The following LRRIQ3 variants were observed in gnomAD, a reference collection of about 807,000 sequenced individuals.
The protein encoded by LRRIQ3 is leucine rich repeats and IQ motif containing 3.
In LRRIQ3, 75 loss-of-function variants were observed where a neutral mutation model predicts 59.3. The ratio of observed to expected loss-of-function variants is 1.26; its 90% CI spans 1.05 to 1.53. LRRIQ3 has a LOEUF of 1.53. Among genes scored for constraint, LRRIQ3 ranks in the 40% most tolerant of loss-of-function variants. The probability of loss-of-function intolerance (pLI) is 0.00; values close to 1 mark genes in which losing one functional copy is unlikely to be tolerated. For synonymous variants in LRRIQ3, 250 were observed against 231.3 expected (o/e 1.08, Z -0.73); for missense variants, 831 against 710.0 (o/e 1.17, Z -1.94).
intron 3 of LRRIQ3, among the ~76,000 whole-genome samples, chr1:74,177,437 A>C (rs1009281603): frequency 9.2e-5 from 14 of 152,234 alleles, no homozygotes; most frequent in East Asian, 1.9e-4. Context: ...CTTTATATAT[A>C]TATCTATCTA....
At chr1:74,073,269 T>G (rs927058820) in intron 6 of LRRIQ3, among the ~76,000 whole-genome samples, 2 of 152,048 alleles carry the variant, frequency 1.3e-5, no homozygotes, top group Admixed American at 1.3e-4. Context: ...TCCCAGCACT[T>G]TGGGAGGCCG....
chr1:74,077,878 GA>G (rs1646227844), intron 5 of LRRIQ3, among the ~76,000 whole-genome samples: 1 of 151,906 alleles, frequency 6.6e-6, no homozygotes, highest in Non-Finnish European at 1.5e-5. Context: ...CATAGAGAAG[GA>G]AAAGTTATCA....
At chr1:74,190,554 G>A (rs1017684334) in intron 1 of LRRIQ3, among the ~76,000 whole-genome samples, 1 of 151,472 alleles carries the variant, frequency 6.6e-6, no homozygotes, top group Non-Finnish European at 1.5e-5. Context: ...TAATAAAAAT[G>A]CCAAAAAAGG....
chr1:74,175,180 G>A (rs1051874504), intron 3 of LRRIQ3, among the ~76,000 whole-genome samples: 25 of 152,114 alleles, frequency 1.6e-4, no homozygotes, highest in African/African-American at 5.5e-4. Context: ...TGGGGTCCAA[G>A]GTCAGGTGAG....
At chr1:74,181,788 C>A (rs576925456) in intron 3 of LRRIQ3, 88 of 151,822 alleles carry the variant, frequency 5.8e-4, no homozygotes, top group African/African-American at 2.0e-3. Flanking sequence ...AGTTTTTCCA[C>A]GCATAATCAC....
At chr1:74,139,234 AT>A (rs1334771244) in intron 4 of LRRIQ3, among the ~76,000 whole-genome samples, 1 of 149,210 alleles carries the variant, frequency 6.7e-6, no homozygotes, top group Non-Finnish European at 1.5e-5. Flanking sequence ...AATAAAATGT[AT>A]AATTTGACTT....
intron 4 of LRRIQ3, among the ~76,000 whole-genome samples, chr1:74,119,649 T>C (rs1313275213): frequency 6.6e-6 from 1 of 152,120 alleles, no homozygotes; most frequent in African/African-American, 2.4e-5. Flanking sequence ...TTTAGAAAGA[T>C]AAACAATTTT....
At chr1:74,030,098 C>A (rs1221333501) in intron 7 of LRRIQ3, among the ~76,000 whole-genome samples, 2 of 152,016 alleles carry the variant, frequency 1.3e-5, no homozygotes, top group East Asian at 3.9e-4. Context: ...GAACTACAAA[C>A]CACTGCTCAA....
At chr1:74,157,832 C>T (rs961826822) in intron 3 of LRRIQ3, among the ~76,000 whole-genome samples, 2 of 152,246 alleles carry the variant, frequency 1.3e-5, no homozygotes, top group South Asian at 4.1e-4. Context: ...AAGTTCATAG[C>T]TTGAACACTC....
intron 3 of LRRIQ3, among the ~76,000 whole-genome samples, chr1:74,159,790 T>C (rs1038402670): frequency 4.6e-5 from 7 of 152,118 alleles, no homozygotes; most frequent in Non-Finnish European, 8.8e-5. Flanking sequence ...ATGTCAAAAC[T>C]ATAAATAATT....
At chr1:74,122,108 A>T (rs1451351222) in intron 4 of LRRIQ3, among the ~76,000 whole-genome samples, 2 of 152,222 alleles carry the variant, frequency 1.3e-5, no homozygotes, top group East Asian at 3.9e-4. Flanking sequence ...CAGTAATGGG[A>T]TGGCTGCGTC....
chr1:74,139,126 GTA>G (rs61625595), intron 4 of LRRIQ3, among the ~76,000 whole-genome samples: 124,110 of 148,888 alleles, frequency 0.83, 52,515 homozygotes, highest in East Asian at 0.97. Flanking sequence ...ATGTGTGTGT[GTA>G]TATATATATA....
intron 4 of LRRIQ3, among the ~76,000 whole-genome samples, chr1:74,136,331 C>T (rs1647123502): frequency 2.6e-5 from 4 of 151,848 alleles, no homozygotes; most frequent in Non-Finnish European, 5.9e-5. Context: ...CAATCTTTTA[C>T]ATACTCCTCC....
chr1:74,192,895 A>G (rs1650858202), intron 1 of LRRIQ3, among the ~76,000 whole-genome samples: 1 of 152,154 alleles, frequency 6.6e-6, no homozygotes, highest in African/African-American at 2.4e-5. Flanking sequence ...TAACTACCAC[A>G]TGCAGCATTT....
chr1:74,097,686 A>C (rs745596906), intron 5 of LRRIQ3, among the ~76,000 whole-genome samples: 75 of 152,364 alleles, frequency 4.9e-4, no homozygotes, highest in Non-Finnish European at 9.3e-4. Context: ...AGGGAAGCCC[A>C]TCAGACAAAC....
At chr1:74,140,621 T>C (rs1267472412) in intron 4 of LRRIQ3, among the ~76,000 whole-genome samples, 1 of 151,804 alleles carries the variant, frequency 6.6e-6, no homozygotes, top group Non-Finnish European at 1.5e-5. Context: ...ACACTTTTTT[T>C]AAGCACACGT....
chr1:74,187,868 C>A (rs565264879), intron 1 of LRRIQ3, among the ~76,000 whole-genome samples: 1 of 152,238 alleles, frequency 6.6e-6, no homozygotes, highest in Admixed American at 6.5e-5. Context: ...GTGGCAATTT[C>A]CCAAAGACCT....
intron 6 of LRRIQ3, among the ~76,000 whole-genome samples, chr1:74,053,052 G>A (rs577987681): frequency 6.6e-6 from 1 of 151,512 alleles, no homozygotes; most frequent in East Asian, 1.9e-4. Context: ...ACAAAGTAGA[G>A]AGCCCAGAAA....
intron 4 of LRRIQ3, among the ~76,000 whole-genome samples, chr1:74,120,316 C>T (rs1264913369): frequency 6.6e-6 from 1 of 151,968 alleles, no homozygotes; most frequent in Non-Finnish European, 1.5e-5. Context: ...CAGGATTTCA[C>T]TATGTTGGCC....
Sources: gnomAD v4.1 joint callset for allele counts (sites outside exome capture counted in the v4.1 genomes callset) on GRCh38, gnomAD v4.1.1 for gene constraint, MANE v1.5 for transcripts, NCBI Gene and HGNC (gene_info 2026-07-23, HGNC 2026-07-21) for gene names.